The following CSMD3 variants were observed in gnomAD, a reference collection of about 807,000 sequenced individuals.
The protein encoded by CSMD3 is CUB and sushi domain-containing protein 3.
Under a neutral mutation model 435.2 loss-of-function variants are expected in CSMD3, and 177 were observed. The ratio of observed to expected loss-of-function variants is 0.41; its 90% CI spans 0.36 to 0.46. The LOEUF (loss-of-function observed/expected upper bound fraction) is 0.46. Among genes scored for constraint, CSMD3 ranks in the 20% least tolerant of loss-of-function variants. The pLI is 0.34. For synonymous variants in CSMD3, 1,656 were observed against 1,520.5 expected (o/e 1.09, Z -2.07); for missense variants, 4,265 against 4,504.6 (o/e 0.95, Z 1.52).
chr8:112,609,201 CAAA>C (rs71566035), intron 22 of CSMD3, among the ~76,000 whole-genome samples: 3 of 43,092 alleles, frequency 7.0e-5, no homozygotes, highest in South Asian at 1.0e-3. Flanking sequence ...GATACTGCCT[CAAA>C]AAAAAAAAAA....
At position 112,254,369 on chromosome 8, in the gene CSMD3, AATAG is replaced by A. The variant is rs776185380; in HGVS notation, c.10037-47_10037-44del. On this transcript the variant is annotated intron_variant, in intron 62 of 70. Coordinates refer to ENST00000297405, the MANE Select transcript of CSMD3 (RefSeq NM_198123.2). ...AAGATATTAGTCCTTTAAAATTTAC[AATAG>A]ATATAGTTCTCTCACAGAAAACAAT... 7 of 1,292,720 alleles carry A rather than the reference AATAG, an allele frequency of 5.4e-6. No homozygotes were observed. The East Asian group carries it at 1.6e-4, about 30-fold the overall frequency. 80.1% of individuals were successfully genotyped at this position (1,292,720 alleles called of 1,614,324 possible). A position where few individuals can be genotyped will look rare whatever the true frequency, so the allele number is the denominator to read the frequency against.
chr8:113,114,557 A>G (rs1171078777), intron 4 of CSMD3, among the ~76,000 whole-genome samples: 1 of 152,180 alleles, frequency 6.6e-6, no homozygotes, highest in East Asian at 1.9e-4. Context: ...TAGGCAAAAG[A>G]TAAAGAAGAC....
intron 17 of CSMD3, among the ~76,000 whole-genome samples, chr8:112,662,440 T>C (rs1163668217): frequency 2.0e-5 from 3 of 152,044 alleles, no homozygotes; most frequent in Non-Finnish European, 4.4e-5. Context: ...CCCTATTTAA[T>C]AAATGGTGCT....
At chr8:113,386,549 ATCTCTC>A (rs144002823) in intron 1 of CSMD3, among the ~76,000 whole-genome samples, 1 of 149,888 alleles carries the variant, frequency 6.7e-6, no homozygotes, top group Non-Finnish European at 1.5e-5. Flanking sequence ...GTTAGAATTG[ATCTCTC>A]TCTCTCTCTC....
intron 3 of CSMD3, among the ~76,000 whole-genome samples, chr8:113,229,322 G>C (rs969239310): frequency 6.6e-6 from 1 of 151,390 alleles, no homozygotes; most frequent in African/African-American, 2.4e-5. Context: ...ATTTCTTGTT[G>C]GTTACTTTTT....
At chr8:112,534,511 C>T (rs1056783620) in intron 27 of CSMD3, among the ~76,000 whole-genome samples, 1 of 152,198 alleles carries the variant, frequency 6.6e-6, no homozygotes, top group African/African-American at 2.4e-5. Context: ...AGACCAATTA[C>T]AGGCTCTGAA....
At chr8:112,874,638 C>A (rs1010698849) in intron 10 of CSMD3, among the ~76,000 whole-genome samples, 16 of 152,122 alleles carry the variant, frequency 1.1e-4, no homozygotes, top group Non-Finnish European at 1.9e-4. Flanking sequence ...TTACATTGAT[C>A]CCTTTACCAT....
intron 3 of CSMD3, among the ~76,000 whole-genome samples, chr8:113,269,645 AAATAATACCACACATC>A (rs2093503093): frequency 6.6e-6 from 1 of 152,150 alleles, no homozygotes; most frequent in Admixed American, 6.5e-5. Context: ...GAGCCCTCAG[AAATAATACCACACATC>A]TACAACCATC....
intron 10 of CSMD3, among the ~76,000 whole-genome samples, chr8:112,877,546 G>A (rs931663074): frequency 6.6e-6 from 1 of 152,010 alleles, no homozygotes; most frequent in Non-Finnish European, 1.5e-5. Flanking sequence ...GGGATTACAG[G>A]CATGAGCCAC....
At chr8:112,920,997 G>GCACACACA (rs747366512) in intron 10 of CSMD3, among the ~76,000 whole-genome samples, 4 of 114,974 alleles carry the variant, frequency 3.5e-5, no homozygotes, top group Middle Eastern at 4.9e-3. Flanking sequence ...ACGCGCGCGC[G>GCACACACA]CACACACACA....
chr8:112,477,944 G>A (rs1563590555), intron 31 of CSMD3, among the ~76,000 whole-genome samples: 1 of 152,096 alleles, frequency 6.6e-6, no homozygotes, highest in African/African-American at 2.4e-5. Context: ...GGAGGTCACT[G>A]AATCATGGGG....
At chr8:113,102,668 A>T (rs2090364093) in intron 4 of CSMD3, among the ~76,000 whole-genome samples, 1 of 152,126 alleles carries the variant, frequency 6.6e-6, no homozygotes, top group Non-Finnish European at 1.5e-5. Context: ...GTAAGCAGTA[A>T]CTACATGAAA....
intron 3 of CSMD3, among the ~76,000 whole-genome samples, chr8:113,187,298 G>A (rs556896568): frequency 2.0e-5 from 3 of 151,836 alleles, no homozygotes; most frequent in African/African-American, 7.2e-5. Flanking sequence ...ACATCAAGGG[G>A]ACTGCTACCC....
At chr8:112,329,275 C>T (rs1823807821) in intron 45 of CSMD3, among the ~76,000 whole-genome samples, 1 of 152,152 alleles carries the variant, frequency 6.6e-6, no homozygotes, top group African/African-American at 2.4e-5. Flanking sequence ...ATTCTTTGAC[C>T]TTGTTGAAAC....
chr8:113,178,786 A>G (rs1483459211), intron 3 of CSMD3, among the ~76,000 whole-genome samples: 1 of 151,950 alleles, frequency 6.6e-6, no homozygotes, highest in Non-Finnish European at 1.5e-5. Context: ...CAATGAAGAC[A>G]GGTTTCATGG....
intron 5 of CSMD3, among the ~76,000 whole-genome samples, chr8:113,035,182 T>G (rs2087289495): frequency 6.6e-6 from 1 of 151,962 alleles, no homozygotes; most frequent in African/African-American, 2.4e-5. Flanking sequence ...CCTTGTTCTT[T>G]GAAAAAATCA....
rs572773875 is a variant in CSMD3 at position 112,544,080 on chromosome 8, T to A, written c.4564+6591A>T. ...CCAGGGGCTTAGGGGAGATGGGATA[T>A]GAGAGTTACTAATCAACTGGCATAA... On this transcript the variant is annotated intron_variant, in intron 27 of 70. Coordinates refer to ENST00000297405, the MANE Select transcript of CSMD3 (RefSeq NM_198123.2). Among the ~76,000 whole-genome samples, 8 of 152,262 alleles carry A rather than the reference T, an allele frequency of 5.3e-5. No individual in the cohort carries two copies. In the South Asian group the frequency reaches 1.7e-3, roughly 32 times the overall value.
At chr8:112,400,482 C>A (rs2129910642) in intron 35 of CSMD3, among the ~76,000 whole-genome samples, 1 of 152,228 alleles carries the variant, frequency 6.6e-6, no homozygotes, top group African/African-American at 2.4e-5. Context: ...TCTAAAGACT[C>A]CTGATGGATG....
At chr8:112,264,849 C>G (rs1308669366) in intron 60 of CSMD3, among the ~76,000 whole-genome samples, 3 of 151,718 alleles carry the variant, frequency 2.0e-5, no homozygotes, top group African/African-American at 7.3e-5. Context: ...AAAAATTGGC[C>G]AAAAAATTTA....
Sources: gnomAD v4.1 joint callset for allele counts (sites outside exome capture counted in the v4.1 genomes callset) on GRCh38, gnomAD v4.1.1 for gene constraint, MANE v1.5 for transcripts, NCBI Gene and HGNC (gene_info 2026-07-23, HGNC 2026-07-21) for gene names.